The following HADHB variants were observed in gnomAD, a reference collection of about 807,000 sequenced individuals.
HADHB encodes the protein hydroxyacyl-CoA dehydrogenase trifunctional multienzyme complex subunit beta, also known as trifunctional enzyme subunit beta, mitochondrial.
HADHB carries 50 observed loss-of-function variants against 61.9 expected under a neutral mutation model. The observed-to-expected ratio is 0.81, with a 90% confidence interval of 0.64 to 1.02. The LOEUF is 1.02. Among genes scored for constraint, HADHB ranks in the 50% least tolerant of loss-of-function variants. The pLI is 0.00. For missense variants in HADHB, 504 were observed against 586.5 expected, an observed-to-expected ratio of 0.86 and a Z score of 1.45; for synonymous variants, 191 against 201.6, an observed-to-expected ratio of 0.95 and a Z score of 0.45.
chr2:26,288,408 C>G (rs1460407702), intron 15 of HADHB, among the ~76,000 whole-genome samples: 2 of 152,012 alleles, frequency 1.3e-5, no homozygotes, highest in Admixed American at 6.6e-5. Context: ...CTGCTTGTGC[C>G]TTTTCAATGT....
intron 3 of HADHB, among the ~76,000 whole-genome samples, chr2:26,256,788 A>G (rs1335191504): frequency 6.6e-6 from 1 of 152,178 alleles, no homozygotes; most frequent in Admixed American, 6.5e-5. Flanking sequence ...ATAATTCATT[A>G]CTGCTGTGTG....
Position 26,279,988 on chromosome 2 carries a change from T to A in HADHB, c.812-6T>A. 1 of 1,605,844 alleles carries A rather than the reference T, an allele frequency of 6.2e-7. No homozygotes were observed. Among genetic ancestry groups the A allele is most frequent in the Non-Finnish European group, 8.5e-7 (1 of 1,174,314 alleles). On this transcript the variant is annotated splice_region_variant and splice_polypyrimidine_tract_variant and intron_variant, in intron 9 of 15. Coordinates refer to ENST00000317799, the MANE Select transcript of HADHB (RefSeq NM_000183.3). ...ATAGAGTTAAAAAAATTCATTTTTT[T>A]AATAGGAAAAGATACAGTTACCAAA...
intron 4 of HADHB, among the ~76,000 whole-genome samples, chr2:26,264,650 C>T (rs1244490572): frequency 1.3e-5 from 2 of 150,326 alleles, no homozygotes. Context: ...TGTGTATACA[C>T]ACACAACAAA....
intron 13 of HADHB, among the ~76,000 whole-genome samples, 159 bp from the exon 14 acceptor site, chr2:26,284,724 C>A (rs2147832081): frequency 6.6e-6 from 1 of 152,300 alleles, no homozygotes; most frequent in Admixed American, 6.5e-5. Context: ...GCCTTGGCCT[C>A]CCAAAGTGCT....
chr2:26,279,936 G>C, intron 9 of HADHB, 58 bp from the exon 10 acceptor site: 2 of 1,276,744 alleles, frequency 1.6e-6, no homozygotes, highest in Non-Finnish European at 2.3e-6. Flanking sequence ...TATTTCTGTG[G>C]AGAAGATATA....
chr2:26,277,255 T>TA (rs1672568228), intron 7 of HADHB, 95 bp downstream of exon 7: 4 of 560,744 alleles, frequency 7.1e-6, no homozygotes, highest in East Asian at 3.3e-5. Flanking sequence ...TTTTTTTTTT[T>TA]AACACAGAAC....
At chr2:26,267,017 A>G (rs1672115166) in intron 4 of HADHB, among the ~76,000 whole-genome samples, 1 of 152,038 alleles carries the variant, frequency 6.6e-6, no homozygotes, top group South Asian at 2.1e-4. Flanking sequence ...TTGGAAAACT[A>G]CTCATGGTTC....
chr2:26,281,322 A>G (rs1046787816), intron 10 of HADHB, among the ~76,000 whole-genome samples: 3 of 152,182 alleles, frequency 2.0e-5, no homozygotes, highest in African/African-American at 4.8e-5. Flanking sequence ...CTACCTGGCC[A>G]TAAAGTCTTG....
In HADHB at chr2:26,282,934, A is replaced by G. The variant is rs200278479; in HGVS notation, c.1013+10A>G. 32 of 1,606,060 alleles carry G rather than the reference A, an allele frequency of 2.0e-5. No individual in the cohort carries two copies. The highest frequency in any genetic ancestry group is 1.6e-4 in the Middle Eastern group (1 of 6,062). On this transcript the variant is annotated intron_variant, in intron 11 of 15. Coordinates refer to ENST00000317799, the MANE Select transcript of HADHB (RefSeq NM_000183.3). ...CGAAGGCATATTTGAGGTAAAGTAA[A>G]TGTTCAAACAAATCATCTCTGATTT...
At chr2:26,278,902 C>A in intron 8 of HADHB, 101 bp downstream of exon 8, 1 of 1,099,234 alleles carries the variant, frequency 9.1e-7, no homozygotes, top group Non-Finnish European at 1.4e-6. Flanking sequence ...TCTGTAGTTA[C>A]AGGAAAGGGT....
At chr2:26,255,954 TC>T (rs1481637161) in intron 3 of HADHB, among the ~76,000 whole-genome samples, 2 of 152,246 alleles carry the variant, frequency 1.3e-5, no homozygotes, top group African/African-American at 4.8e-5. Flanking sequence ...ATAGACCTGA[TC>T]CTTGCCAAGT....
chr2:26,249,812 C>T (rs2147796229), intron 1 of HADHB, among the ~76,000 whole-genome samples: 1 of 152,096 alleles, frequency 6.6e-6, no homozygotes, highest in African/African-American at 2.4e-5. Flanking sequence ...CAAGGCAATG[C>T]CGTGCATGGT....
rs1446857112 is a variant in HADHB at position 26,279,136 on chromosome 2, T to A, written c.632T>A (p.Leu211His). 1 of 1,612,928 alleles carries A rather than the reference T, an allele frequency of 6.2e-7. No individual in the cohort carries two copies. The highest frequency in any genetic ancestry group is 8.5e-7 in the Non-Finnish European group (1 of 1,178,910). ...KFRFNFLAPE[L>H]PAVSEFSTSE... Reference sequence around the variant, plus strand: ...CTCCTTGGATATCTCCTTTCCCAGCTCCCTGCGGTTTCTGAGTTCTCCACC... The same window carrying A: ...CTCCTTGGATATCTCCTTTCCCAGCACCCTGCGGTTTCTGAGTTCTCCACC... The change falls in exon 9 of 16, where the codon CTC (leucine) becomes CAC (histidine). Residue 211 changes from leucine (L) to histidine (H), a missense_variant and splice_region_variant. Leu to His is a moderately conservative substitution (Grantham distance 99). Transcript: ENST00000317799.
intron 9 of HADHB, among the ~76,000 whole-genome samples, chr2:26,279,554 T>A (rs947068845): frequency 6.6e-6 from 1 of 151,760 alleles, no homozygotes; most frequent in African/African-American, 2.4e-5. Context: ...TTTGGGAGGC[T>A]GAGGCAGGAG....
chr2:26,273,726 G>A lies in HADHB; in HGVS notation c.330G>A (p.Val110=). ...YIIFGTVIQE[V]KTSNVAREAA... is the part of the protein sequence containing the mutation. Reference sequence around the variant, plus strand: ...TCTTTGGTACAGTTATTCAGGAAGTGAAAACAAGCAATGTGGCTAGAGAGG... The same window carrying A: ...TCTTTGGTACAGTTATTCAGGAAGTAAAAACAAGCAATGTGGCTAGAGAGG... Residue 110 remains valine (V), a synonymous_variant, in exon 6 of 16, where the codon GTG becomes GTA. Transcript: ENST00000317799. 1.2e-6 allele frequency: 2 copies of A among 1,600,198 alleles called. No individual in the cohort carries two copies. Among genetic ancestry groups the A allele is most frequent in the Non-Finnish European group, 1.7e-6 (2 of 1,167,492 alleles).
chr2:26,265,494 G>A (rs1475415468), intron 4 of HADHB, among the ~76,000 whole-genome samples: 1 of 152,036 alleles, frequency 6.6e-6, no homozygotes, highest in Non-Finnish European at 1.5e-5. Context: ...TACTTGGGAG[G>A]CTGAGGCAGG....
intron 6 of HADHB, among the ~76,000 whole-genome samples, chr2:26,274,373 T>C (rs1252764186): frequency 6.6e-6 from 1 of 152,188 alleles, no homozygotes; most frequent in Non-Finnish European, 1.5e-5. Flanking sequence ...TTAAAATCGA[T>C]TGGATGAAGT....
chr2:26,265,544 T>C (rs1312279327), intron 4 of HADHB, among the ~76,000 whole-genome samples: 1 of 151,904 alleles, frequency 6.6e-6, no homozygotes, highest in Admixed American at 6.6e-5. Flanking sequence ...TGTGATGAGC[T>C]GAGATTGTGC....
chr2:26,285,307 G>T, intron 14 of HADHB, 100 bp from the exon 15 acceptor site: 1 of 982,850 alleles, frequency 1.0e-6, no homozygotes, highest in Non-Finnish European at 1.6e-6. Context: ...CTGACGTTAC[G>T]TATTTTCCTC....
Sources: allele counts gnomAD v4.1 joint callset (sites outside exome capture counted in the v4.1 genomes callset), GRCh38; gene constraint gnomAD v4.1.1; transcripts MANE v1.5; gene names NCBI Gene and HGNC (gene_info 2026-07-23, HGNC 2026-07-21).